The following RBM28 variants were observed in gnomAD, a reference collection of about 807,000 sequenced individuals.
RBM28 encodes the protein RNA binding motif protein 28.
In RBM28, 78 loss-of-function variants were observed where a neutral mutation model predicts 98.3. The observed-to-expected ratio is 0.79, with a 90% CI of 0.66 to 0.96. RBM28 has a LOEUF of 0.96. RBM28 is among the 40% of genes least tolerant of loss of function. RBM28 has a pLI of 0.00. For synonymous variants in RBM28, 306 were observed against 330.9 expected, an observed-to-expected ratio of 0.92 and a Z score of 0.82; for missense variants, 838 against 913.0, an observed-to-expected ratio of 0.92 and a Z score of 1.06.
intron 17 of RBM28, among the ~76,000 whole-genome samples, chr7:128,313,840 T>TGTG (rs1302179379): frequency 1.3e-5 from 2 of 152,174 alleles, no homozygotes; most frequent in African/African-American, 4.8e-5. Flanking sequence ...GGCCATGTGA[T>TGTG]GTGCCAGCTC....
chr7:128,339,723 T>C lies in RBM28; in HGVS notation c.187A>G (p.Lys63Glu). 2 of 1,613,984 alleles carry C rather than the reference T, an allele frequency of 1.2e-6. No homozygotes were observed. Among genetic ancestry groups the C allele is most frequent in the Non-Finnish European group, 1.7e-6 (2 of 1,179,858 alleles). Reference sequence around the variant, plus strand: ...CAACCTTCAAAGGTGGTAATCTCCTTGAGGGCCCTCTGAACATCTTCCAGC... The same window carrying C: ...CAACCTTCAAAGGTGGTAATCTCCTCGAGGGCCCTCTGAACATCTTCCAGC... ...SMLEDVQRAL[K>E]EITTFEGCKI... Residue 63 changes from lysine (K) to glutamate (E), a missense_variant, in exon 2 of 19, where the codon AAG (lysine) becomes GAG (glutamate). Coordinates refer to ENST00000223073, the MANE Select transcript of RBM28 (RefSeq NM_018077.3).
At chr7:128,334,079 T>C (rs191412547) in intron 8 of RBM28, among the ~76,000 whole-genome samples, 1 of 152,362 alleles carries the variant, frequency 6.6e-6, no homozygotes, top group East Asian at 1.9e-4. Flanking sequence ...TATTAAAATA[T>C]CTATAGATAC....
chr7:128,339,576 T>C, intron 2 of RBM28, 57 bp downstream of exon 2: 1 of 1,575,022 alleles, frequency 6.3e-7, no homozygotes, highest in Non-Finnish European at 8.7e-7. Flanking sequence ...TCTTTCATTT[T>C]CATAGTGCTC....
At chr7:128,323,938 T>C (rs1796291652) in intron 12 of RBM28, among the ~76,000 whole-genome samples, 1 of 152,238 alleles carries the variant, frequency 6.6e-6, no homozygotes, top group Non-Finnish European at 1.5e-5. Flanking sequence ...ATGTTCCACC[T>C]ATAATCTGCC....
rs750758432 is a variant in RBM28, at chr7:128,310,846, G to A, written c.2231C>T (p.Pro744Leu). The A allele has an allele frequency of 1.9e-6, 3 of 1,614,100 alleles. No homozygotes were observed. Among genetic ancestry groups the A allele is most frequent in the Non-Finnish European group, 2.5e-6 (3 of 1,180,000 alleles). Residue 744 changes from proline (P) to leucine (L), a missense_variant, in exon 19 of 19, where the codon CCT (proline) becomes CTT (leucine). Transcript: ENST00000223073. Reference sequence around the variant, plus strand: ...CTTTGCAAGAGGTGCTCCTTTAGAAGGTCCCAATAATTTCTGCTTATATTG... The same window carrying A: ...CTTTGCAAGAGGTGCTCCTTTAGAAAGTCCCAATAATTTCTGCTTATATTG... ...VEQYKQKLLGPSKGAPLAKRS... is the reference protein window; with the variant it reads ...VEQYKQKLLGLSKGAPLAKRS...
chr7:128,309,834 A>AGGT lies in RBM28; in HGVS notation c.*960_*962dup, dbSNP rs1481108792. 1 of 152,222 alleles carries AGGT rather than the reference A, an allele frequency of 6.6e-6. No homozygotes were observed. Among genetic ancestry groups the AGGT allele is most frequent in the Non-Finnish European group, 1.5e-5 (1 of 68,134 alleles). 9.4% of individuals were successfully genotyped at this position (152,222 alleles called of 1,614,324 possible). On this transcript the variant is annotated 3_prime_UTR_variant, in exon 19 of 19. Transcript: ENST00000223073. ...AAAGGGAACGGATACAAAGGCTCTG[A>AGGT]GGTGGTCAAGAGTCAAGAGATGGAA...
intron 12 of RBM28, 76 bp downstream of exon 12, chr7:128,324,483 G>A (rs922479761): frequency 3.1e-5 from 50 of 1,592,594 alleles, no homozygotes; most frequent in Non-Finnish European, 4.2e-5. Flanking sequence ...CATGCTTCCA[G>A]GCATACTATT....
At chr7:128,330,759 G>T in intron 10 of RBM28, 60 bp downstream of exon 10, 2 of 1,171,490 alleles carry the variant, frequency 1.7e-6, no homozygotes, top group Non-Finnish European at 2.6e-6. Flanking sequence ...TCGTAACCTA[G>T]TCAGTGCCCA....
chr7:128,310,614 C>T lies in RBM28; in HGVS notation c.*183G>A, dbSNP rs998861271. 1.6e-4 allele frequency: 108 copies of T among 683,928 alleles called. 1 individual carries two copies. The highest frequency in any genetic ancestry group is 2.9e-4 in the Middle Eastern group (1 of 3,398). The allele number at this position is 683,928 out of a possible 1,614,324, so 42.4% of individuals were successfully genotyped here. A position where few individuals can be genotyped will look rare whatever the true frequency, so the allele number is the denominator to read the frequency against. On this transcript the variant is annotated 3_prime_UTR_variant, in exon 19 of 19. Coordinates refer to ENST00000223073, the MANE Select transcript of RBM28 (RefSeq NM_018077.3). Reference sequence around the variant, plus strand: ...TTCAGATATTTCTCTTTGTGGCTAACGAACCACACATCAAAGGATGGACCA... The same window carrying T: ...TTCAGATATTTCTCTTTGTGGCTAATGAACCACACATCAAAGGATGGACCA...
chr7:128,318,222 T>C (rs905119862), intron 14 of RBM28, 116 bp from the exon 15 acceptor site: 20 of 1,103,260 alleles, frequency 1.8e-5, no homozygotes, highest in Admixed American at 4.0e-5. Context: ...TGGTGGTTCA[T>C]GCCTGTAATC....
rs1795882769 is a variant in RBM28 at position 128,307,156 on chromosome 7, A to C, written c.*3641T>G. Reference sequence around the variant, plus strand: ...GCACCCACAGTGTGATGATGTGTTTATTTCCATGAAGGAGCAGTCTATGGA... The same window carrying C: ...GCACCCACAGTGTGATGATGTGTTTCTTTCCATGAAGGAGCAGTCTATGGA... On this transcript the variant is annotated 3_prime_UTR_variant, in exon 19 of 19. Coordinates refer to ENST00000223073, the MANE Select transcript of RBM28 (RefSeq NM_018077.3). 1 of 152,236 alleles carries C rather than the reference A, an allele frequency of 6.6e-6. No homozygotes were observed. The highest frequency in any genetic ancestry group is 1.5e-5 in the Non-Finnish European group (1 of 68,034). 9.4% of individuals were successfully genotyped at this position (152,236 alleles called of 1,614,324 possible).
intron 13 of RBM28, among the ~76,000 whole-genome samples, chr7:128,322,350 A>C (rs983242767): frequency 7.9e-5 from 12 of 152,224 alleles, no homozygotes; most frequent in Admixed American, 7.2e-4. Flanking sequence ...AAATGAAATG[A>C]AAGATGACAT....
At position 128,335,564 on chromosome 7, in the gene RBM28, T is replaced by C. The variant is rs778070052; in HGVS notation, c.925A>G (p.Thr309Ala). 6.8e-6 allele frequency: 11 copies of C among 1,614,200 alleles called. No individual in the cohort carries two copies. The East Asian group carries it at 1.6e-4, about 23-fold the overall frequency. Reference sequence around the variant, plus strand: ...AAACCTTTATCCTCTTGCTCCTCAGTGCTGGTATCACTCTGAGCCAGTTCC... The same window carrying C: ...AAACCTTTATCCTCTTGCTCCTCAGCGCTGGTATCACTCTGAGCCAGTTCC... The part of the protein sequence containing the change: ...GEELAQSDTS[T>A]EEQEDKAVQV... The change falls in exon 8 of 19, where the codon ACT (threonine) becomes GCT (alanine). Residue 309 changes from threonine (T) to alanine (A), a missense_variant. Physicochemically the swap from Thr to Ala is moderately conservative, Grantham distance 58. Coordinates refer to ENST00000223073, the MANE Select transcript of RBM28 (RefSeq NM_018077.3).
At chr7:128,327,596 G>C (rs938515681) in intron 10 of RBM28, among the ~76,000 whole-genome samples, 1 of 152,046 alleles carries the variant, frequency 6.6e-6, no homozygotes, top group Non-Finnish European at 1.5e-5. Flanking sequence ...CGCCTCCTGG[G>C]TTCAAGTGAC....
At chr7:128,330,394 T>TTTTTTG (rs1796453008) in intron 10 of RBM28, among the ~76,000 whole-genome samples, 1 of 145,380 alleles carries the variant, frequency 6.9e-6, no homozygotes. Context: ...TTTTTTTTTT[T>TTTTTTG]CGTGGAAACA....
chr7:128,315,532 G>A (rs537509299), intron 16 of RBM28, among the ~76,000 whole-genome samples: 1 of 152,044 alleles, frequency 6.6e-6, no homozygotes, highest in East Asian at 1.9e-4. Context: ...GCCAGACAGG[G>A]GAAAAATTTT....
At chr7:128,328,504 G>C (rs1796402531) in intron 10 of RBM28, among the ~76,000 whole-genome samples, 1 of 152,130 alleles carries the variant, frequency 6.6e-6, no homozygotes, top group African/African-American at 2.4e-5. Flanking sequence ...TAATGAGCTA[G>C]GGAAGGACAA....
intron 10 of RBM28, among the ~76,000 whole-genome samples, chr7:128,330,173 G>T (rs1218012963): frequency 6.6e-6 from 1 of 151,878 alleles, no homozygotes; most frequent in Non-Finnish European, 1.5e-5. Flanking sequence ...GAAAAAAAAA[G>T]ATCCTGGTAA....
intron 6 of RBM28, among the ~76,000 whole-genome samples, chr7:128,336,730 T>C (rs1796607981): frequency 1.3e-5 from 2 of 152,224 alleles, no homozygotes; most frequent in South Asian, 2.1e-4. Context: ...TCTTCCACAA[T>C]AGTCTTACTC....
Sources: allele counts gnomAD v4.1 joint callset (sites outside exome capture counted in the v4.1 genomes callset), GRCh38; gene constraint gnomAD v4.1.1; transcripts MANE v1.5; gene names NCBI Gene and HGNC (gene_info 2026-07-23, HGNC 2026-07-21).